The following GNG2 variants were observed in gnomAD, a reference collection of about 807,000 sequenced individuals.
GNG2 encodes the protein G protein subunit gamma 2.
A neutral mutation model predicts 5.5 loss-of-function variants in GNG2; 5 were observed. That is an observed-to-expected ratio of 0.91 (90% CI 0.48 to 1.92). The LOEUF (loss-of-function observed/expected upper bound fraction) is 1.92, where lower values mean the gene tolerates loss of function less well. GNG2 is among the 30% of genes most tolerant of loss of function. GNG2 has a pLI of 0.01. For synonymous variants in GNG2, 28 were observed against 32.0 expected (o/e 0.88, Z 0.42); for missense variants, 55 against 88.4 (o/e 0.62, Z 1.52).
chr14:51,944,210 T>TG (rs1455391640), intron 2 of GNG2, among the ~76,000 whole-genome samples: 1 of 148,990 alleles, frequency 6.7e-6, no homozygotes, highest in African/African-American at 2.5e-5. Flanking sequence ...TGGGCTGCTA[T>TG]CAAAAAAAAA....
intron 2 of GNG2, among the ~76,000 whole-genome samples, chr14:51,918,246 A>G (rs1265198057): frequency 1.3e-5 from 2 of 152,248 alleles, no homozygotes; most frequent in East Asian, 3.8e-4. Flanking sequence ...CGCTGTCTTC[A>G]TGCCCGTGGT....
chr14:51,908,334 C>T (rs1179483856), intron 2 of GNG2, among the ~76,000 whole-genome samples: 1 of 152,178 alleles, frequency 6.6e-6, no homozygotes, highest in Non-Finnish European at 1.5e-5. Context: ...CATTTCTATA[C>T]TATTCTGTTG....
At chr14:51,828,464 G>C (rs1220720593) in intron 2 of GNG2, among the ~76,000 whole-genome samples, 4 of 152,026 alleles carry the variant, frequency 2.6e-5, no homozygotes, top group Non-Finnish European at 5.9e-5. Flanking sequence ...AAGGGGGCAG[G>C]AGGAAAAAAG....
intron 2 of GNG2, among the ~76,000 whole-genome samples, chr14:51,851,233 G>A (rs540325684): frequency 6.6e-6 from 1 of 152,280 alleles, no homozygotes; most frequent in Non-Finnish European, 1.5e-5. Flanking sequence ...GGTTCCCTTG[G>A]AGCGGGGAGA....
rs376195482 is a variant in GNG2, at chr14:51,950,818, C to T, written c.87+53C>T. 1.7e-4 allele frequency: 170 copies of T among 1,030,238 alleles called. No individual in the cohort carries two copies. The African/African-American group carries it at 2.5e-3, about 15-fold the overall frequency. 63.8% of individuals were successfully genotyped at this position (1,030,238 alleles called of 1,614,324 possible). ...TCTAGCGTGAGTCTAAGGCGCATGTCATGTGACCACTCTTTCCTAGAGAGG... is the reference window on the plus strand; with the variant it reads ...TCTAGCGTGAGTCTAAGGCGCATGTTATGTGACCACTCTTTCCTAGAGAGG... On this transcript the variant is annotated intron_variant, in intron 3 of 3. Coordinates refer to ENST00000556766, the MANE Select transcript of GNG2 (RefSeq NM_053064.5).
At chr14:51,838,804 T>C (rs1881408713) in intron 2 of GNG2, among the ~76,000 whole-genome samples, 1 of 152,068 alleles carries the variant, frequency 6.6e-6, no homozygotes, top group Non-Finnish European at 1.5e-5. Flanking sequence ...CTCAAGAGGC[T>C]AAGGTGAGAG....
chr14:51,848,400 G>A (rs763894237), intron 2 of GNG2, among the ~76,000 whole-genome samples: 2 of 152,070 alleles, frequency 1.3e-5, no homozygotes, highest in South Asian at 4.1e-4. Flanking sequence ...AAAACTCTAT[G>A]AAGTATAGCC....
chr14:51,938,951 C>T (rs1045110304), intron 2 of GNG2, among the ~76,000 whole-genome samples: 13 of 152,184 alleles, frequency 8.5e-5, no homozygotes, highest in African/African-American at 3.1e-4. Flanking sequence ...TAGATAATTT[C>T]CTGCAAGGAG....
chr14:51,873,271 G>T (rs1056880793), intron 1 of GNG2, among the ~76,000 whole-genome samples: 7 of 152,170 alleles, frequency 4.6e-5, no homozygotes, highest in African/African-American at 1.7e-4. Context: ...TGTGTCTGGG[G>T]CTTCTGGGGG....
chr14:51,887,197 A>G (rs1477456701), intron 2 of GNG2, among the ~76,000 whole-genome samples: 3 of 151,728 alleles, frequency 2.0e-5, no homozygotes, highest in African/African-American at 7.3e-5. Flanking sequence ...CAGGATGTCA[A>G]CCTCAACTTA....
intron 2 of GNG2, among the ~76,000 whole-genome samples, chr14:51,901,945 G>A (rs1284996556): frequency 6.9e-5 from 4 of 57,932 alleles, no homozygotes; most frequent in Non-Finnish European, 1.2e-4. Context: ...CATCAACTAA[G>A]ATCACAATAA....
intron 2 of GNG2, among the ~76,000 whole-genome samples, chr14:51,908,559 T>TATCTATCC (rs1886090948): frequency 7.1e-6 from 1 of 141,264 alleles, no homozygotes; most frequent in Non-Finnish European, 1.5e-5. Context: ...TCTATCTATC[T>TATCTATCC]ATCCATATAT....
chr14:51,929,349 T>G (rs1887522192), intron 2 of GNG2, among the ~76,000 whole-genome samples: 1 of 152,220 alleles, frequency 6.6e-6, no homozygotes, highest in Non-Finnish European at 1.5e-5. Context: ...GCAGTTCATA[T>G]CTGCATGACT....
chr14:51,964,531 G>A (rs1320611648), intron 3 of GNG2, among the ~76,000 whole-genome samples: 1 of 152,130 alleles, frequency 6.6e-6, no homozygotes, highest in Non-Finnish European at 1.5e-5. Flanking sequence ...TCATAAATCA[G>A]CTGCCACTCC....
intron 2 of GNG2, among the ~76,000 whole-genome samples, chr14:51,849,256 C>A (rs955990072): frequency 1.3e-5 from 2 of 152,200 alleles, no homozygotes; most frequent in African/African-American, 4.8e-5. Context: ...CTTGAGTGAC[C>A]TCACAACATG....
chr14:51,958,782 G>T (rs1054611385), intron 3 of GNG2, among the ~76,000 whole-genome samples: 7 of 152,060 alleles, frequency 4.6e-5, no homozygotes, highest in African/African-American at 1.7e-4. Flanking sequence ...GAGTCCCTGA[G>T]CTAATATAAA....
At chr14:51,946,158 A>G (rs1261520658) in intron 2 of GNG2, among the ~76,000 whole-genome samples, 3 of 152,212 alleles carry the variant, frequency 2.0e-5, no homozygotes, top group East Asian at 1.9e-4. Context: ...AAGTCACAAC[A>G]TGAGCAAAAA....
intron 3 of GNG2, among the ~76,000 whole-genome samples, chr14:51,965,033 A>C (rs891017536): frequency 6.6e-5 from 10 of 152,164 alleles, no homozygotes; most frequent in Admixed American, 6.5e-4. Flanking sequence ...CAGTCGGACG[A>C]AGTGGTATAG....
chr14:51,838,810 G>A (rs1434758034), intron 2 of GNG2, among the ~76,000 whole-genome samples: 1 of 152,160 alleles, frequency 6.6e-6, no homozygotes, highest in Non-Finnish European at 1.5e-5. Context: ...AGGCTAAGGT[G>A]AGAGGATTGG....
Sources: allele counts gnomAD v4.1 joint callset (sites outside exome capture counted in the v4.1 genomes callset), GRCh38; gene constraint gnomAD v4.1.1; transcripts MANE v1.5; gene names NCBI Gene and HGNC (gene_info 2026-07-23, HGNC 2026-07-21).